ATRNL1: variants seen among roughly 807,000 people sequenced by gnomAD.
ATRNL1 encodes the protein attractin like 1.
Under a neutral mutation model 182.7 loss-of-function variants are expected in ATRNL1, and 95 were observed. The ratio of observed to expected loss-of-function variants is 0.52; its 90% CI spans 0.44 to 0.62. The LOEUF is 0.62. Among genes scored for constraint, ATRNL1 ranks in the 20% least tolerant of loss-of-function variants. The pLI is 0.00. For missense variants in ATRNL1, 1,471 were observed against 1,679.5 expected, an observed-to-expected ratio of 0.88 and a Z score of 2.17; for synonymous variants, 576 against 568.3, an observed-to-expected ratio of 1.01 and a Z score of -0.19.
chr10:115,890,329 T>C lies in ATRNL1; in HGVS notation c.4018+42338T>C, dbSNP rs1184557020. Among the ~76,000 whole-genome samples, 5 of 152,314 alleles carry C rather than the reference T, an allele frequency of 3.3e-5. No individual in the cohort carries two copies. The East Asian group carries it at 7.7e-4, about 24-fold the overall frequency. The stretch of plus-strand genomic sequence containing the variant: ...TTTTCACCAGCTCTAACATGGTTAA[T>C]CTTTAAAGCTATTTATTGAACACAA... On this transcript the variant is annotated intron_variant, in intron 28 of 28. Transcript: ENST00000355044.
intron 26 of ATRNL1, among the ~76,000 whole-genome samples, chr10:115,662,143 GTA>G (rs1413323125): frequency 6.6e-6 from 1 of 151,874 alleles, no homozygotes; most frequent in Non-Finnish European, 1.5e-5. Context: ...ATTCCATGGT[GTA>G]TATGTGCCAC....
At chr10:115,363,528 T>A (rs1180817665) in intron 19 of ATRNL1, among the ~76,000 whole-genome samples, 57 of 146,522 alleles carry the variant, frequency 3.9e-4, no homozygotes, top group Non-Finnish European at 7.7e-4. Context: ...TTTAATTAGA[T>A]CCCATTTGTC....
intron 13 of ATRNL1, among the ~76,000 whole-genome samples, chr10:115,272,123 C>CA (rs1554913343): frequency 6.6e-6 from 1 of 152,206 alleles, no homozygotes; most frequent in Admixed American, 6.5e-5. Flanking sequence ...TCTGCAGAAG[C>CA]AGAGCAGATG....
chr10:115,240,049 G>A (rs542513848), intron 9 of ATRNL1, among the ~76,000 whole-genome samples: 1 of 152,172 alleles, frequency 6.6e-6, no homozygotes, highest in South Asian at 2.1e-4. Flanking sequence ...GCGTGAGGGG[G>A]TTGGGGTAAG....
chr10:115,143,286 A>G (rs1845825842), intron 5 of ATRNL1, among the ~76,000 whole-genome samples: 3 of 152,186 alleles, frequency 2.0e-5, no homozygotes, highest in Admixed American at 2.0e-4. Context: ...CTCTGACTTT[A>G]TAAGATTTTG....
In ATRNL1 at chr10:115,266,999, A is replaced by G; in HGVS notation, c.1975A>G (p.Lys659Glu). 6.3e-7 allele frequency: 1 copy of G among 1,595,600 alleles called. No homozygotes were observed. Among genetic ancestry groups the G allele is most frequent in the South Asian group, 1.1e-5 (1 of 88,984 alleles). Residue 659 changes from lysine (K) to glutamate (E), a missense_variant, in exon 12 of 29, where the codon AAA (lysine) becomes GAA (glutamate). Physicochemically the swap from Lys to Glu is moderately conservative, Grantham distance 56. Transcript: ENST00000355044. ...NNILRAKCPP[K>E]TAASDDRCYR... ...TATTCTTAGAGCAAAGTGCCCTCCTAAAACAGGTAAATTTCTTTTTCTTTT... is the reference window on the plus strand; with the variant it reads ...TATTCTTAGAGCAAAGTGCCCTCCTGAAACAGGTAAATTTCTTTTTCTTTT...
At chr10:115,313,620 T>C (rs1465517129) in intron 17 of ATRNL1, among the ~76,000 whole-genome samples, 2 of 152,330 alleles carry the variant, frequency 1.3e-5, no homozygotes, top group East Asian at 3.9e-4. Context: ...ATTCAGACTT[T>C]AGGTCAATAG....
chr10:115,615,259 T>C (rs759268378), intron 26 of ATRNL1, among the ~76,000 whole-genome samples: 4 of 152,146 alleles, frequency 2.6e-5, no homozygotes, highest in Non-Finnish European at 5.9e-5. Flanking sequence ...CTTCCAGATA[T>C]AGGATTTTTA....
intron 27 of ATRNL1, among the ~76,000 whole-genome samples, chr10:115,846,977 C>T (rs962177573): frequency 2.6e-5 from 4 of 151,962 alleles, no homozygotes; most frequent in African/African-American, 9.7e-5. Flanking sequence ...ACACCTAACC[C>T]ATAGTAACAA....
At chr10:115,436,686 C>T (rs1554964864) in intron 21 of ATRNL1, among the ~76,000 whole-genome samples, 1 of 152,032 alleles carries the variant, frequency 6.6e-6, no homozygotes, top group Admixed American at 6.6e-5. Context: ...CCAAGGGTGA[C>T]ATATTTTTTC....
At chr10:115,228,498 T>G (rs913242914) in intron 9 of ATRNL1, among the ~76,000 whole-genome samples, 1 of 152,182 alleles carries the variant, frequency 6.6e-6, no homozygotes, top group Admixed American at 6.5e-5. Context: ...TTGTACAACT[T>G]ATAATGGGAG....
At chr10:115,443,191 T>C (rs1554966072) in intron 21 of ATRNL1, among the ~76,000 whole-genome samples, 1 of 152,000 alleles carries the variant, frequency 6.6e-6, no homozygotes, top group East Asian at 1.9e-4. Flanking sequence ...TTGCATTTTT[T>C]TGGTGATTTG....
intron 21 of ATRNL1, among the ~76,000 whole-genome samples, chr10:115,451,430 C>A (rs782706655): frequency 3.3e-5 from 5 of 151,998 alleles, no homozygotes; most frequent in Non-Finnish European, 7.4e-5. Flanking sequence ...AAACAAGCAA[C>A]CTCATTAAAA....
At chr10:115,893,562 T>C (rs1258979748) in intron 28 of ATRNL1, among the ~76,000 whole-genome samples, 1 of 152,224 alleles carries the variant, frequency 6.6e-6, no homozygotes, top group Non-Finnish European at 1.5e-5. Flanking sequence ...TCTTGCCTTC[T>C]TCTGTTGGAA....
chr10:115,792,928 G>T (rs1489521710), intron 27 of ATRNL1, among the ~76,000 whole-genome samples: 2 of 151,908 alleles, frequency 1.3e-5, no homozygotes, highest in Non-Finnish European at 2.9e-5. Flanking sequence ...AGCTTCAGTG[G>T]CAGACTGATC....
chr10:115,484,464 G>T (rs1848922605), intron 24 of ATRNL1, among the ~76,000 whole-genome samples: 1 of 151,438 alleles, frequency 6.6e-6, no homozygotes, highest in Non-Finnish European at 1.5e-5. Flanking sequence ...ATAGGATAAG[G>T]TATCAAGTTA....
Position 115,714,936 on chromosome 10 carries a change from C to G in ATRNL1, c.3796-12312C>G, listed in dbSNP as rs548695204. On this transcript the variant is annotated intron_variant, in intron 26 of 28. Transcript: ENST00000355044. ...CATAGGGTTAGATATGTCTTCTTAGCAGGAATATATCATAAGCCAATACAT... is the reference window on the plus strand; with the variant it reads ...CATAGGGTTAGATATGTCTTCTTAGGAGGAATATATCATAAGCCAATACAT... Among the ~76,000 whole-genome samples, 4 of 152,178 alleles carry G rather than the reference C, an allele frequency of 2.6e-5. No homozygotes were observed. In the South Asian group the frequency reaches 8.3e-4, roughly 32 times the overall value.
chr10:115,896,314 C>T (rs1952206549), intron 28 of ATRNL1, among the ~76,000 whole-genome samples: 1 of 152,156 alleles, frequency 6.6e-6, no homozygotes, highest in African/African-American at 2.4e-5. Context: ...AAAGATATCA[C>T]TTTTTTATAT....
At chr10:115,559,232 G>A (rs1853515477) in intron 26 of ATRNL1, among the ~76,000 whole-genome samples, 1 of 152,116 alleles carries the variant, frequency 6.6e-6, no homozygotes, top group Non-Finnish European at 1.5e-5. Flanking sequence ...AATTCAAAAA[G>A]ATAAAATCTA....
Sources: allele counts gnomAD v4.1 joint callset (sites outside exome capture counted in the v4.1 genomes callset), GRCh38; gene constraint gnomAD v4.1.1; transcripts MANE v1.5; gene names NCBI Gene and HGNC (gene_info 2026-07-23, HGNC 2026-07-21).